Variants in KCNMB3 observed in about 807,000 individuals in gnomAD.
The protein encoded by KCNMB3 is calcium-activated potassium channel subunit beta-3.
A neutral mutation model predicts 11.9 loss-of-function variants in KCNMB3; 18 were observed. That is an observed-to-expected ratio of 1.51 (90% CI 1.04 to 2.23). KCNMB3 has a LOEUF of 2.23. Ranked by LOEUF, KCNMB3 falls within the 30% of genes most tolerant of loss-of-function variation. KCNMB3 has a pLI of 0.00. For synonymous variants in KCNMB3, 78 were observed against 119.2 expected, an observed-to-expected ratio of 0.65 and a Z score of 2.25; for missense variants, 247 against 329.4, an observed-to-expected ratio of 0.75 and a Z score of 1.94.
chr3:179,257,536 T>C (rs1325472916), intron 1 of KCNMB3, among the ~76,000 whole-genome samples: 1 of 152,188 alleles, frequency 6.6e-6, no homozygotes, highest in Non-Finnish European at 1.5e-5. Context: ...AATAAGAATA[T>C]ACTGGGACAT....
At chr3:179,262,451 C>A (rs1726245543) in intron 1 of KCNMB3, among the ~76,000 whole-genome samples, 1 of 152,182 alleles carries the variant, frequency 6.6e-6, no homozygotes, top group Admixed American at 6.5e-5. Context: ...CAGACCTTCG[C>A]AGTGAGTGTT....
intron 1 of KCNMB3, chr3:179,261,309 C>A: frequency 8.1e-7 from 1 of 1,233,882 alleles, no homozygotes. Flanking sequence ...CGGCGGGAAA[C>A]GCTCGGGGAC....
intron 1 of KCNMB3, chr3:179,259,512 G>A: frequency 6.2e-7 from 1 of 1,611,580 alleles, no homozygotes; most frequent in African/African-American, 1.3e-5. Context: ...AGGATTCTCT[G>A]GACAATCAAC....
intron 1 of KCNMB3, among the ~76,000 whole-genome samples, chr3:179,245,523 G>T (rs1032510195): frequency 3.3e-5 from 5 of 151,076 alleles, no homozygotes; most frequent in Admixed American, 1.3e-4. Context: ...TTGGGGGGGG[G>T]GATGGAGTTT....
At position 179,250,960 on chromosome 3, in the gene KCNMB3, C is replaced by T; in HGVS notation, c.31G>A (p.Val11Ile). Residue 11 changes from valine (V) to isoleucine (I), a missense_variant, in exon 1 of 3, where the codon GTA becomes ATA. This residue lies in a region of KCNMB3 where 160 missense variants were observed against 157.5 expected (regional missense o/e 1.02). Coordinates refer to ENST00000392685, the MANE Select transcript of KCNMB3 (RefSeq NM_171830.2). Reference sequence around the variant, plus strand: ...CTTTGGGGAAAGGGAGAAGGAGATACTGCAGTGAGCTCATAAAGAAGGGGG... The same window carrying T: ...CTTTGGGGAAAGGGAGAAGGAGATATTGCAGTGAGCTCATAAAGAAGGGGG... Reference protein sequence around the residue: MFPLLYELTAVSPSPFPQRTA... With the variant: MFPLLYELTAISPSPFPQRTA... The T allele has an allele frequency of 6.2e-7, 1 of 1,614,152 alleles. No individual in the cohort carries two copies. The highest frequency in any genetic ancestry group is 1.7e-5 in the Admixed American group (1 of 60,012).
rs574077134 is a variant in KCNMB3 at position 179,246,021 on chromosome 3, C to T, written c.249-1328G>A. 9.8e-5 allele frequency among the ~76,000 whole-genome samples: 15 copies of T among 152,322 alleles called. 1 individual carries two copies. The East Asian group carries it at 2.3e-3, about 23-fold the overall frequency. Reference sequence around the variant, plus strand: ...GATTGAATATATGAGACCAGCTCTTCATATACCCTCACACTCACATATAGG... The same window carrying T: ...GATTGAATATATGAGACCAGCTCTTTATATACCCTCACACTCACATATAGG... On this transcript the variant is annotated intron_variant, in intron 1 of 2. Transcript: ENST00000392685.
At chr3:179,263,934 T>C (rs763048937) in intron 1 of KCNMB3, among the ~76,000 whole-genome samples, 1 of 150,334 alleles carries the variant, frequency 6.7e-6, no homozygotes, top group Non-Finnish European at 1.5e-5. Context: ...GCCTCCCAAG[T>C]AGCTGGGATT....
At chr3:179,262,578 G>C (rs1015985830) in intron 1 of KCNMB3, among the ~76,000 whole-genome samples, 4 of 152,248 alleles carry the variant, frequency 2.6e-5, no homozygotes, top group African/African-American at 9.6e-5. Context: ...TGCCACTGCT[G>C]GCTGGGGCAG....
rs746975848 is a variant in KCNMB3 at position 179,250,967 on chromosome 3, G to A, written c.24C>T (p.Leu8=). 20 of 1,614,042 alleles carry A rather than the reference G, an allele frequency of 1.2e-5. No individual in the cohort carries two copies. Among genetic ancestry groups the A allele is most frequent in the Non-Finnish European group, 1.4e-5 (17 of 1,180,034 alleles). The change falls in exon 1 of 3, where the codon CTC becomes CTT. Residue 8 remains leucine (L), a synonymous_variant. Transcript: ENST00000392685. ...GAAAGGGAGAAGGAGATACTGCAGT[G>A]AGCTCATAAAGAAGGGGGAACATTT... MFPLLYE[L]TAVSPSPFPQ... is the part of the protein sequence containing the mutation.
rs1169675768 is a variant in KCNMB3 at position 179,260,665 on chromosome 3, T to A, written c.62+5984A>T. The A allele has an allele frequency of 5.2e-6, 7 of 1,344,396 alleles. No individual in the cohort carries two copies. In the Admixed American group the frequency reaches 1.2e-4, roughly 23 times the overall value. 83.3% of individuals were successfully genotyped at this position (1,344,396 alleles called of 1,614,324 possible). ...TGTCGGAAGTCTCTCCATTGGTAACTATTTCTGAATTTAGGATTATTCCAT... is the reference window on the plus strand; with the variant it reads ...TGTCGGAAGTCTCTCCATTGGTAACAATTTCTGAATTTAGGATTATTCCAT... On this transcript the variant is annotated intron_variant, in intron 1 of 3. Transcript: ENST00000349697.
chr3:179,244,801 A>T (rs993245791), intron 1 of KCNMB3, 108 bp from the exon 2 acceptor site: 3 of 926,512 alleles, frequency 3.2e-6, no homozygotes, highest in South Asian at 1.6e-5. Context: ...TTTGTGTACA[A>T]GGCATTTGTG....
At chr3:179,258,418 C>T (rs1225228341) in intron 1 of KCNMB3, among the ~76,000 whole-genome samples, 2 of 152,174 alleles carry the variant, frequency 1.3e-5, no homozygotes. Flanking sequence ...TAAAGCCCCT[C>T]ATGCTTTCAG....
At chr3:179,259,962 G>A (rs112788579) in intron 1 of KCNMB3, 6 of 1,612,570 alleles carry the variant, frequency 3.7e-6, no homozygotes, top group Non-Finnish European at 3.4e-6. Flanking sequence ...ATCCCTACCT[G>A]CTTCTGTACT....
intron 1 of KCNMB3, chr3:179,258,807 A>C (rs1726105203): frequency 7.4e-7 from 1 of 1,343,030 alleles, no homozygotes; most frequent in Admixed American, 2.1e-5. Flanking sequence ...GTACACTGAT[A>C]ACAAATATGT....
At chr3:179,249,824 C>G (rs1725772050) in intron 1 of KCNMB3, among the ~76,000 whole-genome samples, 1 of 152,088 alleles carries the variant, frequency 6.6e-6, no homozygotes, top group Non-Finnish European at 1.5e-5. Context: ...AAAGTGGGAG[C>G]TGAATGATGA....
intron 1 of KCNMB3, among the ~76,000 whole-genome samples, chr3:179,258,008 C>T (rs1216646309): frequency 6.6e-6 from 1 of 152,114 alleles, no homozygotes; most frequent in South Asian, 2.1e-4. Context: ...CCTCAGCCTC[C>T]GGAGTGGCTG....
intron 2 of KCNMB3, 78 bp downstream of exon 2, chr3:179,244,417 G>A (rs1725564723): frequency 1.7e-6 from 2 of 1,159,792 alleles, no homozygotes; most frequent in Non-Finnish European, 2.6e-6. Context: ...GACAGCCCTG[G>A]GTTATTTATG....
chr3:179,249,742 T>G (rs1311746385), intron 1 of KCNMB3, among the ~76,000 whole-genome samples: 1 of 152,100 alleles, frequency 6.6e-6, no homozygotes, highest in Non-Finnish European at 1.5e-5. Flanking sequence ...ATAGATGAAA[T>G]GAAGCTGGAA....
At chr3:179,244,130 T>C (rs1725555800) in intron 2 of KCNMB3, among the ~76,000 whole-genome samples, 1 of 152,204 alleles carries the variant, frequency 6.6e-6, no homozygotes, top group South Asian at 2.1e-4. Flanking sequence ...AAATAATCTT[T>C]ACATTTATTT....
Sources: allele counts gnomAD v4.1 joint callset (sites outside exome capture counted in the v4.1 genomes callset), GRCh38; gene constraint gnomAD v4.1.1; regional missense constraint gnomAD v4.1.1; transcripts MANE v1.5; gene names NCBI Gene and HGNC (gene_info 2026-07-23, HGNC 2026-07-21).